Variants in KLHL10 observed in about 807,000 individuals in gnomAD.
The protein encoded by KLHL10 is kelch like family member 10, also known as kelch-like protein 10.
In KLHL10, 11 loss-of-function variants were observed where a neutral mutation model predicts 46.6. The observed-to-expected ratio is 0.24, with a 90% CI of 0.15 to 0.39. The LOEUF is 0.39. Among genes scored for constraint, KLHL10 ranks in the 10% least tolerant of loss-of-function variants. The probability of loss-of-function intolerance (pLI) is 1.00; values close to 1 mark genes in which losing one functional copy is unlikely to be tolerated. For missense variants in KLHL10, 475 were observed against 789.8 expected, an observed-to-expected ratio of 0.60 and a Z score of 4.78; for synonymous variants, 254 against 279.1, an observed-to-expected ratio of 0.91 and a Z score of 0.90.
At chr17:41,837,448 G>A (rs568666259), upstream of KLHL10, 28 of 587,568 alleles carry the variant, frequency 4.8e-5, no homozygotes, top group African/African-American at 1.0e-4. Flanking sequence ...CACTGCGCCC[G>A]GCCTAAGAAA....
chr17:41,845,150 G>C lies in KLHL10; in HGVS notation c.709G>C (p.Glu237Gln), dbSNP rs374019359. ...PKVRLALMHA[E>Q]YFMNNVKMND... Reference sequence around the variant, plus strand: ...GGTTCGCCTGGCCCTAATGCATGCTGAGTACTTCATGAACAATGTTAAGAT... The same window carrying C: ...GGTTCGCCTGGCCCTAATGCATGCTCAGTACTTCATGAACAATGTTAAGAT... Residue 237 changes from glutamate to glutamine, a missense_variant, in exon 3 of 5, where the codon GAG becomes CAG. Transcript: ENST00000293303. 6 of 1,614,078 alleles carry C rather than the reference G, an allele frequency of 3.7e-6. No individual in the cohort carries two copies. Among genetic ancestry groups the C allele is most frequent in the Admixed American group, 1.7e-5 (1 of 60,004 alleles).
chr17:41,840,383 A>T (rs1184115969), intron 1 of KLHL10, among the ~76,000 whole-genome samples: 5 of 152,228 alleles, frequency 3.3e-5, no homozygotes, highest in African/African-American at 1.2e-4. Context: ...GAATCCCAAT[A>T]ATTTGGGAGG....
At chr17:41,836,090 G>A, upstream of KLHL10, 2 of 1,349,654 alleles carry the variant, frequency 1.5e-6, no homozygotes, top group South Asian at 2.0e-5. Flanking sequence ...TGGGTGAAGC[G>A]GCGGTGCCTC....
intron 1 of KLHL10, among the ~76,000 whole-genome samples, chr17:41,839,744 G>A (rs2048207378): frequency 6.6e-6 from 1 of 152,054 alleles, no homozygotes; most frequent in Admixed American, 6.5e-5. Flanking sequence ...ATGGAGTCTT[G>A]CTCTGTCACC....
rs781838190 is a variant in KLHL10 at position 41,847,953 on chromosome 17, T to C, written c.1473T>C (p.Ala491=). ...HVYAVGGFDG[A]NRLRSAEAYS... is the part of the protein sequence containing the mutation. Reference sequence around the variant, plus strand: ...CACAGGTAGGTGGCTTTGATGGAGCTAATCGACTTAGGAGTGCCGAAGCCT... The same window carrying C: ...CACAGGTAGGTGGCTTTGATGGAGCCAATCGACTTAGGAGTGCCGAAGCCT... The change falls in exon 5 of 5, where the codon GCT becomes GCC. Residue 491 remains alanine (A), a synonymous_variant. Coordinates refer to ENST00000293303, the MANE Select transcript of KLHL10 (RefSeq NM_152467.5). 1 of 1,614,186 alleles carries C rather than the reference T, an allele frequency of 6.2e-7. No individual in the cohort carries two copies. Among genetic ancestry groups the C allele is most frequent in the South Asian group, 1.1e-5 (1 of 91,086 alleles).
At chr17:41,841,507 G>T (rs1291535171) in intron 1 of KLHL10, among the ~76,000 whole-genome samples, 3 of 152,118 alleles carry the variant, frequency 2.0e-5, no homozygotes, top group Non-Finnish European at 4.4e-5. Context: ...TAGAGACGGG[G>T]TTTCACCACG....
At chr17:41,842,371 G>C in intron 2 of KLHL10, 59 bp downstream of exon 2, 3 of 1,600,334 alleles carry the variant, frequency 1.9e-6, no homozygotes, top group South Asian at 2.2e-5. Flanking sequence ...GCAAAATTCA[G>C]ACATATGACA....
At chr17:41,836,206 C>A (rs1555620014), upstream of KLHL10, 3 of 1,244,228 alleles carry the variant, frequency 2.4e-6, no homozygotes, top group Non-Finnish European at 3.0e-6. Flanking sequence ...CGTTCGAGGC[C>A]TGGTCGGCGG....
chr17:41,842,457 C>A, intron 2 of KLHL10, 145 bp downstream of exon 2: 1 of 992,342 alleles, frequency 1.0e-6, no homozygotes, highest in South Asian at 1.5e-5. Flanking sequence ...CTGTCTTTTC[C>A]CTTGGCATTA....
chr17:41,840,579 G>C (rs1477574155), intron 1 of KLHL10, among the ~76,000 whole-genome samples: 1 of 151,238 alleles, frequency 6.6e-6, no homozygotes, highest in Middle Eastern at 3.2e-3. Context: ...GGGAGGCAGA[G>C]GTTGCACTGA....
At chr17:41,837,743 A>C (rs1400115366), upstream of KLHL10, 9 of 1,385,566 alleles carry the variant, frequency 6.5e-6, no homozygotes, top group Non-Finnish European at 8.5e-6. Flanking sequence ...TCCAGGAGGC[A>C]GTTCCAGAAC....
At chr17:41,841,657 C>T in intron 1 of KLHL10, 166 bp from the exon 2 acceptor site, 1 of 727,714 alleles carries the variant, frequency 1.4e-6, no homozygotes, top group Non-Finnish European at 2.3e-6. Context: ...TTAATTTCTC[C>T]ATCCACAAGG....
At chr17:41,836,191 C>T, upstream of KLHL10, 1 of 1,259,064 alleles carries the variant, frequency 7.9e-7, no homozygotes, top group Middle Eastern at 2.7e-4. Flanking sequence ...CCTCCTCTGC[C>T]ATCCCGTTCG....
At chr17:41,839,839 AAT>A (rs1307453787) in intron 1 of KLHL10, among the ~76,000 whole-genome samples, 2 of 151,882 alleles carry the variant, frequency 1.3e-5, no homozygotes, top group African/African-American at 4.8e-5. Flanking sequence ...CAGCCTCCCG[AAT>A]ATCTGGGATT....
chr17:41,846,288 C>T lies in KLHL10; in HGVS notation c.1302+545C>T, dbSNP rs186176718. ...CTGTAATCCCAGCACTTTGGCAAGC[C>T]GAGGCGGGAGGATCACAAGGTCAGG... is the stretch of plus-strand genomic sequence containing the variant. On this transcript the variant is annotated intron_variant, in intron 3 of 4. Transcript: ENST00000293303. Among the ~76,000 whole-genome samples, 272 of 151,952 alleles carry T rather than the reference C, an allele frequency of 1.8e-3. 1 individual carries two copies. The highest frequency in any genetic ancestry group is 6.5e-3 in the African/African-American group (268 of 41,462).
upstream of KLHL10, chr17:41,836,289 T>TGGTGGGACCGGGGGCGGGGCGGG: frequency 1.2e-6 from 1 of 869,544 alleles, no homozygotes; most frequent in Non-Finnish European, 1.4e-6. Context: ...GGGCGGGGGT[T>TGGTGGGACCGGGGGCGGGGCGGG]GGTGGGGCCG....
chr17:41,845,382 G>C lies in KLHL10; in HGVS notation c.941G>C (p.Arg314Pro). Reference sequence around the variant, plus strand: ...AATGCCATTGAGGCATATGACGCTCGGGCAGACAGATGGGTGAATGTTACT... The same window carrying C: ...AATGCCATTGAGGCATATGACGCTCCGGCAGACAGATGGGTGAATGTTACT... ...PTNAIEAYDA[R>P]ADRWVNVTCE... The change falls in exon 3 of 5, where the codon CGG (arginine) becomes CCG (proline). Residue 314 changes from arginine to proline, a missense_variant. Coordinates refer to ENST00000293303, the MANE Select transcript of KLHL10 (RefSeq NM_152467.5). The C allele has an allele frequency of 6.2e-7, 1 of 1,614,196 alleles. No individual in the cohort carries two copies. Among genetic ancestry groups the C allele is most frequent in the Non-Finnish European group, 8.5e-7 (1 of 1,180,032 alleles).
Position 41,845,569 on chromosome 17 carries a change from T to C in KLHL10, c.1128T>C (p.Arg376=), listed in dbSNP as rs2048275802. The C allele has an allele frequency of 6.2e-7, 1 of 1,614,206 alleles. No homozygotes were observed. The highest frequency in any genetic ancestry group is 2.2e-5 in the East Asian group (1 of 44,890). The part of the protein sequence containing the change: ...WHQVAPMHSR[R]CYVSVTVLGN... ...AGGTGGCCCCGATGCACTCCAGACG[T>C]TGCTATGTCAGTGTGACAGTCCTCG... Residue 376 remains arginine, a synonymous_variant, in exon 3 of 5, where the codon CGT becomes CGC. Transcript: ENST00000293303.
At chr17:41,840,484 G>A (rs1411928086) in intron 1 of KLHL10, among the ~76,000 whole-genome samples, 7 of 151,584 alleles carry the variant, frequency 4.6e-5, no homozygotes, top group Non-Finnish European at 7.4e-5. Flanking sequence ...AAAAAACCGG[G>A]CATAAATACA....
Sources: gnomAD v4.1 joint callset for allele counts (sites outside exome capture counted in the v4.1 genomes callset) on GRCh38, gnomAD v4.1.1 for gene constraint, MANE v1.5 for transcripts, NCBI Gene and HGNC (gene_info 2026-07-23, HGNC 2026-07-21) for gene names.